The following PFKFB4 variants were observed in gnomAD, a reference collection of about 807,000 sequenced individuals.
PFKFB4 encodes the protein 6-phosphofructo-2-kinase/fructose-2,6-bisphosphatase 4.
In PFKFB4, 42 loss-of-function variants were observed where a neutral mutation model predicts 62.8. The ratio of observed to expected loss-of-function variants is 0.67; its 90% CI spans 0.52 to 0.86. PFKFB4 has a LOEUF of 0.86. PFKFB4 is among the 40% of genes least tolerant of loss of function. PFKFB4 has a pLI of 0.00. For missense variants in PFKFB4, 475 were observed against 627.2 expected (o/e 0.76, Z 2.59); for synonymous variants, 204 against 240.7 (o/e 0.85, Z 1.41).
intron 4 of PFKFB4, among the ~76,000 whole-genome samples, chr3:48,541,159 G>A (rs1285475831): frequency 2.7e-5 from 4 of 149,204 alleles, no homozygotes; most frequent in East Asian, 4.0e-4. Context: ...ATCTCAGCTC[G>A]CTGCAAGCTC....
intron 3 of PFKFB4, among the ~76,000 whole-genome samples, chr3:48,544,381 T>C (rs1320666381): frequency 1.3e-5 from 2 of 150,360 alleles, no homozygotes; most frequent in Non-Finnish European, 3.0e-5. Flanking sequence ...ATCATATCCA[T>C]ACCCTCCAGA....
upstream of PFKFB4, among the ~76,000 whole-genome samples, chr3:48,557,242 C>T (rs919000438): frequency 6.6e-6 from 1 of 152,174 alleles, no homozygotes; most frequent in Admixed American, 6.5e-5. Context: ...GAGCCCAGGG[C>T]CCCCAGGAGG....
Position 48,521,999 on chromosome 3 carries a change from C to T in PFKFB4, c.1337G>A (p.Arg446Gln), listed in dbSNP as rs758816952. 3.7e-6 allele frequency: 6 copies of T among 1,614,092 alleles called. No homozygotes were observed. The highest frequency in any genetic ancestry group is 2.2e-5 in the East Asian group (1 of 44,882). Residue 446 changes from arginine (R) to glutamine (Q), a missense_variant, in exon 13 of 14, where the codon CGG becomes CAG. Transcript: ENST00000232375. This position sits in a 1 kb window ranked among gnomAD's most constrained non-coding sequence, Gnocchi z 5.3. ...CCCCATTGCTACCTGAGGCCTGTCC[C>T]GGTGCGTGTTCACAGCAGCCACGTT... ...FLNVAAVNTH[R>Q]DRPQNVDISR...
intron 3 of PFKFB4, 34 bp downstream of exon 3, chr3:48,549,829 CA>C: frequency 7.5e-7 from 1 of 1,332,730 alleles, no homozygotes; most frequent in Non-Finnish European, 1.1e-6. Context: ...GGTCCCCCAG[CA>C]ACCTCTCCCC....
intron 3 of PFKFB4, among the ~76,000 whole-genome samples, chr3:48,549,563 T>C (rs1466581531): frequency 1.3e-5 from 2 of 152,062 alleles, no homozygotes; most frequent in Non-Finnish European, 2.9e-5. Context: ...CAAGGGTTCC[T>C]TAACCCCAGG....
chr3:48,526,538 A>G (rs1231497393), intron 9 of PFKFB4, among the ~76,000 whole-genome samples: 1 of 150,336 alleles, frequency 6.7e-6, no homozygotes, highest in African/African-American at 2.5e-5. Context: ...ACGCCACTGC[A>G]CTCCAGCCTG....
chr3:48,556,883 G>T, upstream of PFKFB4: 1 of 1,460,758 alleles, frequency 6.8e-7, no homozygotes, highest in South Asian at 1.4e-5. This position sits in a 1 kb window ranked among gnomAD's most constrained non-coding sequence, Gnocchi z 5.7. Context: ...CTCAAGCCGC[G>T]ACAGCCCATG....
At chr3:48,529,208 T>G (rs540019426) in intron 9 of PFKFB4, among the ~76,000 whole-genome samples, 1 of 152,088 alleles carries the variant, frequency 6.6e-6, no homozygotes, top group African/African-American at 2.4e-5. Flanking sequence ...TGGCCTGAAC[T>G]GTATATTTTA....
In PFKFB4 at chr3:48,535,471, G is replaced by A. The variant is rs367757890; in HGVS notation, c.987+41C>T. 1.7e-4 allele frequency: 262 copies of A among 1,527,188 alleles called. 1 individual carries two copies. The highest frequency in any genetic ancestry group is 2.2e-4 in the Non-Finnish European group (247 of 1,103,160). 94.6% of individuals were successfully genotyped at this position (1,527,188 alleles called of 1,614,324 possible). A position where few individuals can be genotyped will look rare whatever the true frequency, so the allele number is the denominator to read the frequency against. On this transcript the variant is annotated intron_variant, in intron 9 of 13. Coordinates refer to ENST00000232375, the MANE Select transcript of PFKFB4 (RefSeq NM_004567.4). ...TTACAATATGATGCAGCAGCCCTGCGGTATCTGGGAGGTAGACAGGGAGGG... is the reference window on the plus strand; with the variant it reads ...TTACAATATGATGCAGCAGCCCTGCAGTATCTGGGAGGTAGACAGGGAGGG...
upstream of PFKFB4, chr3:48,559,659 G>A (rs939909783): frequency 3.5e-5 from 16 of 454,874 alleles, no homozygotes; most frequent in African/African-American, 1.6e-4. Flanking sequence ...TGTCCCAGGC[G>A]TGGGAAGTAT....
chr3:48,532,296 C>T (rs1038530898), intron 9 of PFKFB4, among the ~76,000 whole-genome samples: 3 of 151,906 alleles, frequency 2.0e-5, no homozygotes, highest in Admixed American at 6.6e-5. Flanking sequence ...GGCGACAGAG[C>T]GAGATTCCGT....
Position 48,541,092 on chromosome 3 carries a change from T to A in PFKFB4, c.379-1321A>T, listed in dbSNP as rs1242427944. Among the ~76,000 whole-genome samples, 4 of 143,038 alleles carry A rather than the reference T, an allele frequency of 2.8e-5. No homozygotes were observed. The South Asian group carries it at 6.8e-4, about 24-fold the overall frequency. 93.8% of individuals were successfully genotyped at this position (143,038 alleles called of 152,430 possible). ...GCCCAACCACATCTGGCTAATTTTT[T>A]TTTTTTTTTTGAGACGGAGTCTTGC... On this transcript the variant is annotated intron_variant, in intron 4 of 13. Transcript: ENST00000232375.
At chr3:48,531,943 G>A (rs1317208247) in intron 9 of PFKFB4, among the ~76,000 whole-genome samples, 1 of 152,360 alleles carries the variant, frequency 6.6e-6, no homozygotes, top group East Asian at 1.9e-4. Flanking sequence ...ATTGGAACCT[G>A]TGTGTACTTC....
chr3:48,542,202 C>T (rs1298281344), intron 4 of PFKFB4, among the ~76,000 whole-genome samples: 6 of 151,598 alleles, frequency 4.0e-5, no homozygotes, highest in South Asian at 4.2e-4. Context: ...GGCACAGTGG[C>T]GGGGGCTTGT....
At position 48,525,673 on chromosome 3, in the gene PFKFB4, G is replaced by A; in HGVS notation, c.988-4C>T. ...AGGTCATTTCCTCACAGACGCCCTA[G>A]GGAGATACCACAGTCATCACACCTC... On this transcript the variant is annotated splice_polypyrimidine_tract_variant and splice_region_variant and intron_variant, in intron 9 of 13. Coordinates refer to ENST00000232375, the MANE Select transcript of PFKFB4 (RefSeq NM_004567.4). The A allele has an allele frequency of 6.4e-7, 1 of 1,562,056 alleles. No individual in the cohort carries two copies. The highest frequency in any genetic ancestry group is 8.8e-7 in the Non-Finnish European group (1 of 1,139,438).
At chr3:48,529,930 G>A (rs889456446) in intron 9 of PFKFB4, among the ~76,000 whole-genome samples, 1 of 152,004 alleles carries the variant, frequency 6.6e-6, no homozygotes, top group African/African-American at 2.4e-5. Flanking sequence ...CTCCAGCCTG[G>A]GTGACAGAGC....
upstream of PFKFB4, chr3:48,562,860 G>A (rs1023894959): frequency 2.5e-6 from 4 of 1,593,480 alleles, no homozygotes; most frequent in East Asian, 4.5e-5. This position sits in a 1 kb window ranked among gnomAD's most constrained non-coding sequence, Gnocchi z 4.3. Context: ...GCCCGGGCTT[G>A]CTCCAGTAAG....
chr3:48,520,391 A>C (rs2042060926), intron 13 of PFKFB4, among the ~76,000 whole-genome samples: 1 of 152,090 alleles, frequency 6.6e-6, no homozygotes, highest in Non-Finnish European at 1.5e-5. Flanking sequence ...CTCAGGCCTG[A>C]GGAATAGGGA....
Position 48,543,686 on chromosome 3 carries a change from C to T in PFKFB4, c.312-40G>A, listed in dbSNP as rs757778916. 6.4e-6 allele frequency: 10 copies of T among 1,564,344 alleles called. No individual in the cohort carries two copies. In the Middle Eastern group the frequency reaches 5.0e-4, roughly 78 times the overall value. ...ACACAGGGTCAGCCCAGCACCCGAC[C>T]CTGGCTCCAGGAGGGTGGCCAGGGA... On this transcript the variant is annotated intron_variant, in intron 3 of 13. Transcript: ENST00000232375.
Sources: allele counts gnomAD v4.1 joint callset (sites outside exome capture counted in the v4.1 genomes callset), GRCh38; gene constraint gnomAD v4.1.1; non-coding constraint Gnocchi (gnomAD v3.1); transcripts MANE v1.5; gene names NCBI Gene and HGNC (gene_info 2026-07-23, HGNC 2026-07-21).